The following VPS13B variants were observed in gnomAD, a reference collection of about 807,000 sequenced individuals.
VPS13B encodes vacuolar protein sorting 13 homolog B.
Under a neutral mutation model 426.4 loss-of-function variants are expected in VPS13B, and 285 were observed. That is an observed-to-expected ratio of 0.67 (90% CI 0.61 to 0.74). VPS13B has a LOEUF of 0.74. VPS13B is among the 30% of genes least tolerant of loss of function. The pLI, the probability that VPS13B is intolerant of heterozygous loss-of-function variation, is 0.00. For missense variants in VPS13B, 4,537 were observed against 4,782.6 expected (o/e 0.95, Z 1.51); for synonymous variants, 1,676 against 1,676.4 (o/e 1.00, Z 0.01).
At chr8:99,383,464 A>C (rs1032441436) in intron 19 of VPS13B, among the ~76,000 whole-genome samples, 1 of 152,166 alleles carries the variant, frequency 6.6e-6, no homozygotes, top group Non-Finnish European at 1.5e-5. Context: ...TTATGGACAA[A>C]TGTACTTTTA....
intron 29 of VPS13B, 93 bp downstream of exon 29, chr8:99,511,605 G>A (rs1223723589): frequency 6.9e-6 from 9 of 1,299,314 alleles, no homozygotes; most frequent in South Asian, 1.4e-5. Context: ...TAAAAAATAT[G>A]AGCAGTTGGT....
At chr8:99,381,910 C>A (rs938018833) in intron 19 of VPS13B, among the ~76,000 whole-genome samples, 12 of 151,940 alleles carry the variant, frequency 7.9e-5, no homozygotes, top group African/African-American at 2.9e-4. Context: ...TTGCCTGTTC[C>A]TGTGTCCAGA....
At chr8:99,811,914 T>G (rs975338973) in intron 44 of VPS13B, among the ~76,000 whole-genome samples, 1 of 152,134 alleles carries the variant, frequency 6.6e-6, no homozygotes. Flanking sequence ...ATATTTAAAA[T>G]TACTCTAATG....
chr8:99,264,861 G>A (rs140132794), intron 17 of VPS13B, among the ~76,000 whole-genome samples: 230 of 151,196 alleles, frequency 1.5e-3, no homozygotes, highest in Admixed American at 3.2e-3. Context: ...TAGACCTTTT[G>A]GTTTTTAGAT....
At chr8:99,758,499 A>G (rs1265934780) in intron 39 of VPS13B, among the ~76,000 whole-genome samples, 1 of 152,234 alleles carries the variant, frequency 6.6e-6, no homozygotes, top group Non-Finnish European at 1.5e-5. Flanking sequence ...AAAGACTGTT[A>G]AAGGAGGTAG....
chr8:99,051,822 C>G (rs1843571457), intron 3 of VPS13B, among the ~76,000 whole-genome samples: 1 of 152,138 alleles, frequency 6.6e-6, no homozygotes, highest in Non-Finnish European at 1.5e-5. Flanking sequence ...CATTATTTGT[C>G]TTTCTGTTTG....
At chr8:99,382,419 A>T (rs1457120539) in intron 19 of VPS13B, among the ~76,000 whole-genome samples, 1 of 152,102 alleles carries the variant, frequency 6.6e-6, no homozygotes, top group Non-Finnish European at 1.5e-5. Context: ...CTTTGGACAG[A>T]ATGGCCCTTT....
intron 59 of VPS13B, among the ~76,000 whole-genome samples, chr8:99,869,294 G>A (rs533419471): frequency 6.6e-6 from 1 of 152,196 alleles, no homozygotes; most frequent in Non-Finnish European, 1.5e-5. Context: ...GTCTGCATCC[G>A]CATCTGGCCA....
intron 35 of VPS13B, among the ~76,000 whole-genome samples, chr8:99,666,365 T>G (rs1359540481): frequency 6.6e-6 from 1 of 152,090 alleles, no homozygotes; most frequent in Non-Finnish European, 1.5e-5. Context: ...AAAGAGAGAA[T>G]TTTACACCAA....
chr8:99,322,605 G>A (rs546682760), intron 19 of VPS13B, among the ~76,000 whole-genome samples: 1 of 152,308 alleles, frequency 6.6e-6, no homozygotes, highest in African/African-American at 2.4e-5. Flanking sequence ...TGAATTGGGA[G>A]TTTAACATGA....
intron 36 of VPS13B, among the ~76,000 whole-genome samples, chr8:99,708,745 C>A (rs1457814098): frequency 6.6e-6 from 1 of 151,928 alleles, no homozygotes; most frequent in Non-Finnish European, 1.5e-5. Context: ...CCATGTAGTT[C>A]TCTGGTTTTG....
At chr8:99,746,175 C>G (rs1458099487) in intron 39 of VPS13B, among the ~76,000 whole-genome samples, 1 of 151,990 alleles carries the variant, frequency 6.6e-6, no homozygotes, top group Non-Finnish European at 1.5e-5. Flanking sequence ...CCCATATCTT[C>G]TGTAATCTAG....
At position 99,512,227 on chromosome 8, in the gene VPS13B, A is replaced by G. The variant is rs544882845; in HGVS notation, c.4633+715A>G. ...GAAATTACTATTCTCTGAATATCCT[A>G]TATTCTGACAGTGGTATACAGTTGC... On this transcript the variant is annotated intron_variant, in intron 29 of 61. Coordinates refer to ENST00000357162, the MANE Select transcript of VPS13B (RefSeq NM_152564.5). Among the ~76,000 whole-genome samples the G allele has an allele frequency of 5.3e-5, 8 of 152,294 alleles. No individual in the cohort carries two copies. The South Asian group carries it at 1.0e-3, about 20-fold the overall frequency.
At chr8:99,441,490 C>T (rs1157657455) in intron 22 of VPS13B, among the ~76,000 whole-genome samples, 3 of 152,076 alleles carry the variant, frequency 2.0e-5, no homozygotes, top group Non-Finnish European at 4.4e-5. Flanking sequence ...TGTAGGAAAT[C>T]AACCAATCAT....
chr8:99,501,316 C>T (rs1332603107), intron 25 of VPS13B, among the ~76,000 whole-genome samples: 1 of 152,136 alleles, frequency 6.6e-6, no homozygotes. Flanking sequence ...GCAGTCAGTA[C>T]ATGAACGGAT....
chr8:99,248,151 A>G (rs1817319216), intron 17 of VPS13B, among the ~76,000 whole-genome samples: 2 of 152,206 alleles, frequency 1.3e-5, no homozygotes. Flanking sequence ...TATTTCTTTA[A>G]TGATTCAGGG....
intron 1 of VPS13B, 105 bp from the exon 2 acceptor site, chr8:99,013,655 C>G: frequency 9.5e-7 from 1 of 1,055,252 alleles, no homozygotes; most frequent in Non-Finnish European, 1.4e-6. Flanking sequence ...TAAGAGGAGG[C>G]GAACGGCCGC....
In VPS13B at chr8:99,854,087, G is replaced by A; in HGVS notation, c.10698G>A (p.Gln3566=). ...TGAAGTTACGGAAACTGGTGATCCAGCCAGTAAATTTGCTCGTCAGCATCC... is the reference window on the plus strand; with the variant it reads ...TGAAGTTACGGAAACTGGTGATCCAACCAGTAAATTTGCTCGTCAGCATCC... The part of the protein sequence containing the change: ...NPVKLRKLVI[Q]PVNLLVSIHA... Residue 3566 remains glutamine, a synonymous_variant, in exon 56 of 62, where the codon CAG becomes CAA. Coordinates refer to ENST00000357162, the MANE Select transcript of VPS13B (RefSeq NM_152564.5). 6.2e-7 allele frequency: 1 copy of A among 1,613,160 alleles called. No homozygotes were observed. Among genetic ancestry groups the A allele is most frequent in the Admixed American group, 1.7e-5 (1 of 59,992 alleles).
rs145034036 is a variant in VPS13B, at chr8:99,614,438, C to T, written c.5221-27373C>T. On this transcript the variant is annotated intron_variant, in intron 33 of 61. Transcript: ENST00000357162. ...GATTACAGGCATATGCCACCACACC[C>T]GGCTAATTTTGTATTTTTAAGAGAG... 5.2e-3 allele frequency among the ~76,000 whole-genome samples: 786 copies of T among 152,052 alleles called. 5 individuals carry two copies. Among genetic ancestry groups the T allele is most frequent in the African/African-American group, 0.018 (728 of 41,492 alleles).
Sources: allele counts gnomAD v4.1 joint callset (sites outside exome capture counted in the v4.1 genomes callset), GRCh38; gene constraint gnomAD v4.1.1; transcripts MANE v1.5; gene names NCBI Gene and HGNC (gene_info 2026-07-23, HGNC 2026-07-21).